ITSN2: variants seen among roughly 807,000 people sequenced by gnomAD.
ITSN2 encodes intersectin-2.
Under a neutral mutation model 243.7 loss-of-function variants are expected in ITSN2, and 156 were observed. That is an observed-to-expected ratio of 0.64 (90% confidence interval 0.56 to 0.73). The LOEUF is 0.73. ITSN2 is among the 30% of genes least tolerant of loss of function. ITSN2 has a pLI of 0.00. For missense variants in ITSN2, 1,801 were observed against 1,996.1 expected, an observed-to-expected ratio of 0.90 and a Z score of 1.86; for synonymous variants, 703 against 699.9, an observed-to-expected ratio of 1.00 and a Z score of -0.07.
chr2:24,261,608 G>C lies in ITSN2; in HGVS notation c.2490C>G (p.Ala830=). Residue 830 remains alanine, a synonymous_variant, in exon 21 of 40, where the codon GCC becomes GCG. Transcript: ENST00000355123. ...ATAAAGAAACTGTAGGAGGAAGTAA[G>C]GCCTTCTTTGGAGATACAGCTTTTT... ...ENEKAVSPKK[A]LLPPTVSLSA... 6.2e-7 allele frequency: 1 copy of C among 1,613,638 alleles called. No individual in the cohort carries two copies. Among genetic ancestry groups the C allele is most frequent in the Non-Finnish European group, 8.5e-7 (1 of 1,179,710 alleles).
At chr2:24,298,578 G>T in intron 13 of ITSN2, 87 bp downstream of exon 13, 2 of 1,288,698 alleles carry the variant, frequency 1.6e-6, no homozygotes, top group Non-Finnish European at 2.1e-6. Context: ...TAACAGGTGT[G>T]AGCCACCACG....
intron 24 of ITSN2, among the ~76,000 whole-genome samples, chr2:24,252,884 ATTT>A (rs1020483881): frequency 2.6e-5 from 4 of 152,128 alleles, no homozygotes; most frequent in Non-Finnish European, 5.9e-5. Flanking sequence ...AGGAAAATAT[ATTT>A]TTTAACTTTT....
intron 1 of ITSN2, among the ~76,000 whole-genome samples, chr2:24,359,692 G>A (rs1688772824): frequency 6.6e-6 from 1 of 152,100 alleles, no homozygotes; most frequent in Non-Finnish European, 1.5e-5. Flanking sequence ...ACATCTCTCG[G>A]TGCTTCCTGT....
At chr2:24,313,375 A>C in intron 4 of ITSN2, 85 bp downstream of exon 4, 1 of 1,069,806 alleles carries the variant, frequency 9.3e-7, no homozygotes, top group Non-Finnish European at 1.4e-6. Flanking sequence ...AATAGAATGC[A>C]ACTAAAAACA....
intron 34 of ITSN2, 141 bp from the exon 35 acceptor site, chr2:24,210,174 A>G (rs576993414): frequency 1.6e-6 from 1 of 624,150 alleles, no homozygotes; most frequent in Admixed American, 2.9e-5. Context: ...ACTTTGCATG[A>G]AAGATCCTTA....
At chr2:24,271,229 A>T (rs1167797884) in intron 19 of ITSN2, among the ~76,000 whole-genome samples, 1 of 152,230 alleles carries the variant, frequency 6.6e-6, no homozygotes, top group Non-Finnish European at 1.5e-5. Context: ...TGGTTCTAAA[A>T]GGAAAACAGT....
chr2:24,219,717 T>G (rs1670272923), intron 30 of ITSN2, among the ~76,000 whole-genome samples: 2 of 152,160 alleles, frequency 1.3e-5, no homozygotes, highest in South Asian at 4.1e-4. Context: ...AAGCACCCGG[T>G]GCCTGCTCAC....
chr2:24,303,046 C>A (rs757991508), intron 9 of ITSN2, among the ~76,000 whole-genome samples: 4 of 152,108 alleles, frequency 2.6e-5, no homozygotes, highest in Non-Finnish European at 5.9e-5. Flanking sequence ...AAAAGTACAG[C>A]ATATACAATT....
At chr2:24,268,129 G>C (rs998853995) in intron 20 of ITSN2, among the ~76,000 whole-genome samples, 1 of 152,154 alleles carries the variant, frequency 6.6e-6, no homozygotes, top group Non-Finnish European at 1.5e-5. Flanking sequence ...ATTAATGTTA[G>C]CAAAATAGCA....
chr2:24,227,550 C>A (rs1244878001), intron 29 of ITSN2, among the ~76,000 whole-genome samples: 1 of 152,040 alleles, frequency 6.6e-6, no homozygotes, highest in East Asian at 1.9e-4. Flanking sequence ...GATTAAATAG[C>A]AGATTAAACA....
chr2:24,320,525 CAAAAAAAAAAAAAAAAAAAAAAAA>C (rs113637557), intron 2 of ITSN2, among the ~76,000 whole-genome samples: 2 of 41,524 alleles, frequency 4.8e-5, no homozygotes, highest in Non-Finnish European at 8.3e-5. Context: ...GACTCCGTCT[CAAAAAAAAAAAAAAAAAAAAAAAA>C]AAAAAAAAAA....
In ITSN2 at chr2:24,203,277, T is replaced by G. The variant is rs899043705; in HGVS notation, c.*349A>C. 5 of 183,474 alleles carry G rather than the reference T, an allele frequency of 2.7e-5. No individual in the cohort carries two copies. The highest frequency in any genetic ancestry group is 5.8e-5 in the Non-Finnish European group (5 of 86,478). The allele number at this position is 183,474 out of a possible 1,614,324, so 11.4% of individuals were successfully genotyped here. A position where few individuals can be genotyped will look rare whatever the true frequency, so the allele number is the denominator to read the frequency against. ...AATGGTTACAGCGTCACCAAACCAC[T>G]CCACGGTGGACACATTCAACCGAGC... On this transcript the variant is annotated 3_prime_UTR_variant, in exon 40 of 40. Coordinates refer to ENST00000355123, the MANE Select transcript of ITSN2 (RefSeq NM_006277.3).
In ITSN2 at chr2:24,211,013, C is replaced by A; in HGVS notation, c.4090-66G>T. The A allele has an allele frequency of 6.7e-7, 1 of 1,488,234 alleles. No homozygotes were observed. 92.2% of individuals were successfully genotyped at this position (1,488,234 alleles called of 1,614,324 possible). ...TCTCACCTGCCCACCTGGACCTTCGCAGGACCGCTCCTCCAACCCCATGTT... is the reference window on the plus strand; with the variant it reads ...TCTCACCTGCCCACCTGGACCTTCGAAGGACCGCTCCTCCAACCCCATGTT... On this transcript the variant is annotated intron_variant, in intron 33 of 39. Coordinates refer to ENST00000355123, the MANE Select transcript of ITSN2 (RefSeq NM_006277.3). This position sits in a 1 kb window ranked among gnomAD's most constrained non-coding sequence, Gnocchi z 4.1.
chr2:24,253,236 A>C (rs1227881522), intron 24 of ITSN2, among the ~76,000 whole-genome samples: 1 of 152,166 alleles, frequency 6.6e-6, no homozygotes, highest in Non-Finnish European at 1.5e-5. Flanking sequence ...TTTGATCTTA[A>C]TATCATAAAC....
chr2:24,207,566 T>C (rs1669030460), intron 37 of ITSN2, among the ~76,000 whole-genome samples: 1 of 150,656 alleles, frequency 6.6e-6, no homozygotes, highest in Non-Finnish European at 1.5e-5. Flanking sequence ...GCTACAGAGG[T>C]CGGGGAGAGG....
chr2:24,271,721 TC>T (rs764428455), intron 19 of ITSN2, 44 bp downstream of exon 19: 1 of 1,465,682 alleles, frequency 6.8e-7, no homozygotes, highest in Non-Finnish European at 9.0e-7. Flanking sequence ...GTCATTTTTT[TC>T]TTGTTGCATT....
intron 17 of ITSN2, among the ~76,000 whole-genome samples, chr2:24,276,111 T>A (rs147946042): frequency 1.3e-5 from 2 of 152,214 alleles, no homozygotes; most frequent in Non-Finnish European, 2.9e-5. Context: ...AACAAGCCGA[T>A]GCTTTGATTT....
chr2:24,357,930 T>C (rs1275397414), intron 1 of ITSN2, among the ~76,000 whole-genome samples: 1 of 152,240 alleles, frequency 6.6e-6, no homozygotes, highest in Non-Finnish European at 1.5e-5. Context: ...CTTTTTTTTG[T>C]TTGAGACGGA....
intron 1 of ITSN2, among the ~76,000 whole-genome samples, chr2:24,332,025 CCT>C (rs1685843327): frequency 6.6e-6 from 1 of 152,298 alleles, no homozygotes; most frequent in African/African-American, 2.4e-5. Flanking sequence ...AGGCAGATCA[CCT>C]GAAGTCAGGA....
Sources: allele counts gnomAD v4.1 joint callset (sites outside exome capture counted in the v4.1 genomes callset), GRCh38; gene constraint gnomAD v4.1.1; non-coding constraint Gnocchi (gnomAD v3.1); transcripts MANE v1.5; gene names NCBI Gene and HGNC (gene_info 2026-07-23, HGNC 2026-07-21).